The following PRKCA variants were observed in gnomAD, a reference collection of about 807,000 sequenced individuals.
PRKCA encodes protein kinase C alpha type.
A neutral mutation model predicts 87.0 loss-of-function variants in PRKCA; 27 were observed. That is an observed-to-expected ratio of 0.31 (90% CI 0.23 to 0.43). PRKCA has a LOEUF of 0.43. Ranked by LOEUF, PRKCA falls within the 20% of genes least tolerant of loss-of-function variation. The pLI, the probability that PRKCA is intolerant of heterozygous loss-of-function variation, is 1.00. For synonymous variants in PRKCA, 329 were observed against 311.1 expected (o/e 1.06, Z -0.61); for missense variants, 518 against 852.3 (o/e 0.61, Z 4.88).
chr17:66,683,573 G>A (rs1226978305), intron 5 of PRKCA, among the ~76,000 whole-genome samples: 2 of 152,092 alleles, frequency 1.3e-5, no homozygotes, highest in African/African-American at 4.8e-5. Context: ...TCCTGGGGCA[G>A]CGTCCTCACC....
chr17:66,304,590 G>A (rs4393604), intron 1 of PRKCA, among the ~76,000 whole-genome samples: 146,337 of 152,258 alleles, frequency 0.96, 70,353 homozygotes, highest in East Asian at 1. Context: ...ACTAGGGTGA[G>A]CATAGTATGG....
At chr17:66,378,936 T>C (rs760682137) in intron 2 of PRKCA, among the ~76,000 whole-genome samples, 3 of 152,056 alleles carry the variant, frequency 2.0e-5, no homozygotes, top group Non-Finnish European at 4.4e-5. Flanking sequence ...AATATGTGGC[T>C]TTTACTGTCT....
At chr17:66,533,018 A>G (rs1351216988) in intron 3 of PRKCA, among the ~76,000 whole-genome samples, 1 of 152,196 alleles carries the variant, frequency 6.6e-6, no homozygotes, top group Non-Finnish European at 1.5e-5. Context: ...AGGCAATTGT[A>G]ACCTTAGGCA....
chr17:66,787,485 C>A (rs1342945108), intron 15 of PRKCA, among the ~76,000 whole-genome samples: 1 of 152,146 alleles, frequency 6.6e-6, no homozygotes, highest in Non-Finnish European at 1.5e-5. Context: ...CATCAGAGTC[C>A]CTTAGAAAGT....
rs548353032 is a variant in PRKCA at position 66,343,165 on chromosome 17, G to A, written c.205+37038G>A. 2.0e-5 allele frequency among the ~76,000 whole-genome samples: 3 copies of A among 151,740 alleles called. No homozygotes were observed. The East Asian group carries it at 5.8e-4, about 29-fold the overall frequency. On this transcript the variant is annotated intron_variant, in intron 2 of 16. Transcript: ENST00000413366. ...GAGGGAGCATCTTGTTTGGTTTACC[G>A]TGCTGACCATAGGTTATATGTCATT... is the stretch of plus-strand genomic sequence containing the variant.
chr17:66,445,334 A>G (rs924805667), intron 2 of PRKCA, among the ~76,000 whole-genome samples: 26 of 152,234 alleles, frequency 1.7e-4, no homozygotes, highest in African/African-American at 6.3e-4. Flanking sequence ...GGCATCCGGG[A>G]TTCACATACC....
intron 2 of PRKCA, among the ~76,000 whole-genome samples, chr17:66,420,173 G>A (rs771018628): frequency 9.9e-5 from 15 of 151,892 alleles, no homozygotes; most frequent in Non-Finnish European, 1.0e-4. Flanking sequence ...CACCACGCCC[G>A]GCTAATTTTG....
At chr17:66,455,325 C>T (rs191952029) in intron 2 of PRKCA, among the ~76,000 whole-genome samples, 1 of 152,278 alleles carries the variant, frequency 6.6e-6, no homozygotes, top group African/African-American at 2.4e-5. Context: ...TAAAGGGCCT[C>T]TTATCGCCAC....
chr17:66,730,964 C>G (rs1973870874), intron 8 of PRKCA, among the ~76,000 whole-genome samples: 1 of 152,200 alleles, frequency 6.6e-6, no homozygotes, highest in South Asian at 2.1e-4. Flanking sequence ...CCTTCACCAT[C>G]ATCTTGGTAA....
chr17:66,623,552 G>A (rs929800368), intron 3 of PRKCA, among the ~76,000 whole-genome samples: 1 of 152,120 alleles, frequency 6.6e-6, no homozygotes, highest in Non-Finnish European at 1.5e-5. Context: ...GGATTCATTC[G>A]TTTGACAGAT....
intron 2 of PRKCA, among the ~76,000 whole-genome samples, chr17:66,313,749 A>G (rs989601713): frequency 1.4e-4 from 21 of 152,170 alleles, no homozygotes; most frequent in African/African-American, 5.1e-4. Flanking sequence ...AAATTTTTGT[A>G]CCTGAAAGGT....
intron 2 of PRKCA, among the ~76,000 whole-genome samples, chr17:66,386,390 A>C (rs1910062181): frequency 1.3e-5 from 2 of 152,240 alleles, no homozygotes; most frequent in African/African-American, 4.8e-5. Context: ...ACAAAGCTGC[A>C]GTGAATATCC....
intron 5 of PRKCA, among the ~76,000 whole-genome samples, chr17:66,663,181 C>T (rs910222507): frequency 6.6e-6 from 1 of 152,236 alleles, no homozygotes; most frequent in Non-Finnish European, 1.5e-5. Flanking sequence ...AGAACAGCTT[C>T]CTGCTCCTCT....
intron 2 of PRKCA, among the ~76,000 whole-genome samples, chr17:66,432,285 CA>C (rs1355329202): frequency 6.6e-6 from 1 of 152,100 alleles, no homozygotes; most frequent in Non-Finnish European, 1.5e-5. Flanking sequence ...CAGCTGTTGA[CA>C]AAAGCATGGG....
chr17:66,363,580 C>T (rs978612965), intron 2 of PRKCA, among the ~76,000 whole-genome samples: 5 of 152,332 alleles, frequency 3.3e-5, no homozygotes, highest in South Asian at 2.1e-4. Context: ...TAAGAAAGAG[C>T]GCTATTCCAA....
intron 2 of PRKCA, among the ~76,000 whole-genome samples, chr17:66,384,820 C>G (rs919523868): frequency 1.3e-5 from 2 of 151,960 alleles, no homozygotes; most frequent in African/African-American, 4.8e-5. Flanking sequence ...TTAGTAGAGA[C>G]GGGGTTTCAC....
intron 2 of PRKCA, among the ~76,000 whole-genome samples, chr17:66,382,791 G>A (rs1909836585): frequency 6.6e-6 from 1 of 152,002 alleles, no homozygotes; most frequent in African/African-American, 2.4e-5. Flanking sequence ...GCGTCTAGTG[G>A]GTAGAGGTTA....
At chr17:66,678,568 C>A (rs1297462651) in intron 5 of PRKCA, among the ~76,000 whole-genome samples, 1 of 152,064 alleles carries the variant, frequency 6.6e-6, no homozygotes, top group African/African-American at 2.4e-5. Context: ...CCTACTTAAG[C>A]CAACAGGCAT....
intron 5 of PRKCA, among the ~76,000 whole-genome samples, chr17:66,675,434 C>T (rs2143970041): frequency 6.6e-6 from 1 of 152,308 alleles, no homozygotes; most frequent in Non-Finnish European, 1.5e-5. Flanking sequence ...CTTCCCATCC[C>T]CAGCCGAAGT....
Sources: gnomAD v4.1 joint callset for allele counts (sites outside exome capture counted in the v4.1 genomes callset) on GRCh38, gnomAD v4.1.1 for gene constraint, MANE v1.5 for transcripts, NCBI Gene and HGNC (gene_info 2026-07-23, HGNC 2026-07-21) for gene names.